The following MOV10L1 variants were observed in gnomAD, a reference collection of about 807,000 sequenced individuals.
MOV10L1 encodes Mov10 like RNA helicase 1.
In MOV10L1, 110 loss-of-function variants were observed where a neutral mutation model predicts 143.8. That is an observed-to-expected ratio of 0.76 (90% CI 0.66 to 0.90). MOV10L1 has a LOEUF of 0.90. Among genes scored for constraint, MOV10L1 ranks in the 40% least tolerant of loss-of-function variants. The pLI, the probability that MOV10L1 is intolerant of heterozygous loss-of-function variation, is 0.00. For missense variants in MOV10L1, 1,406 were observed against 1,526.8 expected (o/e 0.92, Z 1.32); for synonymous variants, 593 against 581.1 (o/e 1.02, Z -0.29).
intron 3 of MOV10L1, among the ~76,000 whole-genome samples, chr22:50,101,112 A>G: frequency 6.6e-6 from 1 of 152,040 alleles, no homozygotes; most frequent in East Asian, 1.9e-4. Context: ...AGATGAATAG[A>G]AGTTTTCTGC....
At chr22:50,127,551 C>T (rs1261778585) in intron 12 of MOV10L1, among the ~76,000 whole-genome samples, 2 of 152,138 alleles carry the variant, frequency 1.3e-5, no homozygotes, top group Non-Finnish European at 1.5e-5. Flanking sequence ...CGTAGCTTCC[C>T]GACTCTCTGC....
intron 2 of MOV10L1, among the ~76,000 whole-genome samples, chr22:50,097,006 G>A (rs2062606417): frequency 6.6e-6 from 1 of 152,080 alleles, no homozygotes; most frequent in African/African-American, 2.4e-5. Flanking sequence ...TTTATTGCAT[G>A]TACTTCTGAT....
chr22:50,120,798 C>A (rs2062318623), intron 10 of MOV10L1, among the ~76,000 whole-genome samples, 182 bp downstream of exon 10: 1 of 152,208 alleles, frequency 6.6e-6, no homozygotes, highest in Admixed American at 6.5e-5. Context: ...ACTCACGCTG[C>A]CAGACCTGCT....
chr22:50,149,669 G>T lies in MOV10L1; in HGVS notation c.2682G>T (p.Pro894=). Residue 894 remains proline, a synonymous_variant, in exon 20 of 27, where the codon CCG becomes CCT. Coordinates refer to ENST00000262794, the MANE Select transcript of MOV10L1 (RefSeq NM_018995.3). ...ACGAGGCTGGGCAGGCAAGTGAGCCGGAATGCCTCATTCCTCTGGGGCTGA... is the reference window on the plus strand; with the variant it reads ...ACGAGGCTGGGCAGGCAAGTGAGCCTGAATGCCTCATTCCTCTGGGGCTGA... ...FVDEAGQASE[P]ECLIPLGLMS... The T allele has an allele frequency of 6.2e-7, 1 of 1,614,078 alleles. No homozygotes were observed. The highest frequency in any genetic ancestry group is 8.5e-7 in the Non-Finnish European group (1 of 1,179,948).
chr22:50,140,882 CT>C (rs769023311), intron 15 of MOV10L1, among the ~76,000 whole-genome samples: 3 of 152,204 alleles, frequency 2.0e-5, no homozygotes, highest in African/African-American at 4.8e-5. Context: ...ACCACTACCC[CT>C]GGCCCCAGAA....
intron 22 of MOV10L1, among the ~76,000 whole-genome samples, chr22:50,153,937 C>T (rs1469574711): frequency 6.6e-6 from 1 of 152,064 alleles, no homozygotes; most frequent in African/African-American, 2.4e-5. Flanking sequence ...CCACGGGCCC[C>T]GGAGGACAGG....
intron 3 of MOV10L1, among the ~76,000 whole-genome samples, chr22:50,100,061 A>C (rs2062699521): frequency 1.3e-5 from 2 of 151,946 alleles, no homozygotes; most frequent in Admixed American, 1.3e-4. Flanking sequence ...GTATGATCTC[A>C]GCTCACTGCA....
intron 26 of MOV10L1, 75 bp from the exon 27 acceptor site, chr22:50,161,293 T>G: frequency 7.9e-7 from 1 of 1,262,770 alleles, no homozygotes; most frequent in Non-Finnish European, 1.1e-6. Flanking sequence ...AAAACCCACA[T>G]TGGGAAAAGA....
At chr22:50,153,732 G>A (rs1253818605) in intron 22 of MOV10L1, among the ~76,000 whole-genome samples, 1 of 152,256 alleles carries the variant, frequency 6.6e-6, no homozygotes. Context: ...CAGAGGGACA[G>A]AGTTAGATGC....
chr22:50,109,181 G>T (rs1031371575), intron 5 of MOV10L1, among the ~76,000 whole-genome samples: 1 of 151,922 alleles, frequency 6.6e-6, no homozygotes, highest in Non-Finnish European at 1.5e-5. Context: ...GATGTGAAAG[G>T]CCCCATATAA....
At chr22:50,133,832 C>T (rs968468592) in intron 13 of MOV10L1, among the ~76,000 whole-genome samples, 175 bp from the exon 14 acceptor site, 1 of 152,164 alleles carries the variant, frequency 6.6e-6, no homozygotes, top group South Asian at 2.1e-4. Flanking sequence ...ACGTGAGCCA[C>T]CGCGCCCGTC....
intron 1 of MOV10L1, chr22:50,090,752 C>G: frequency 2.0e-6 from 1 of 495,120 alleles, no homozygotes. Flanking sequence ...TCTCGGCTCA[C>G]CGCAACCTCC....
At chr22:50,098,289 G>C (rs753262762) in intron 2 of MOV10L1, among the ~76,000 whole-genome samples, 1 of 96,796 alleles carries the variant, frequency 1.0e-5, no homozygotes, top group Non-Finnish European at 2.6e-5. Flanking sequence ...ACTTTGAGTA[G>C]TATTATCATC....
At chr22:50,120,656 C>T (rs1450771555) in intron 10 of MOV10L1, 40 bp downstream of exon 10, 5 of 1,376,472 alleles carry the variant, frequency 3.6e-6, no homozygotes, top group Admixed American at 1.9e-5. Context: ...TTGGCATCTT[C>T]TAATGCTCTT....
intron 19 of MOV10L1, chr22:50,147,244 C>T (rs1252817577): frequency 1.3e-5 from 8 of 621,362 alleles, no homozygotes; most frequent in Admixed American, 2.9e-5. Context: ...CTCTCAGAGG[C>T]GCTCTGTGCA....
intron 15 of MOV10L1, among the ~76,000 whole-genome samples, chr22:50,140,731 T>C (rs896158771): frequency 2.0e-5 from 3 of 150,774 alleles, no homozygotes; most frequent in African/African-American, 7.3e-5. Context: ...ACGTGAAACT[T>C]TTTTTTTTTG....
chr22:50,151,820 A>T (rs1191151124), intron 21 of MOV10L1, among the ~76,000 whole-genome samples: 1 of 152,246 alleles, frequency 6.6e-6, no homozygotes, highest in African/African-American at 2.4e-5. Flanking sequence ...GGGCAGGTGC[A>T]TACAGCACAG....
chr22:50,158,501 A>C lies in MOV10L1; in HGVS notation c.3216+295A>C. On this transcript the variant is annotated intron_variant, in intron 23 of 26. Coordinates refer to ENST00000262794, the MANE Select transcript of MOV10L1 (RefSeq NM_018995.3). This position sits in a 1 kb window ranked among gnomAD's most constrained non-coding sequence, Gnocchi z 5.0. ...TGGCCCTTTGGGAAAACATTTGCCA[A>C]CCCCCAGCTCTAACCCAGTGTTTCT... The C allele has an allele frequency of 2.8e-6, 1 of 356,210 alleles. No homozygotes were observed. Among genetic ancestry groups the C allele is most frequent in the Non-Finnish European group, 5.1e-6 (1 of 195,120 alleles). The allele number at this position is 356,210 out of a possible 1,614,324, so 22.1% of individuals were successfully genotyped here. A position where few individuals can be genotyped will look rare whatever the true frequency, so the allele number is the denominator to read the frequency against.
intron 22 of MOV10L1, among the ~76,000 whole-genome samples, chr22:50,154,732 G>A (rs932772190): frequency 2.0e-5 from 3 of 152,120 alleles, no homozygotes; most frequent in South Asian, 2.1e-4. Context: ...GTTTCTGATC[G>A]TTCTTGTCTT....
Sources: gnomAD v4.1 joint callset for allele counts (sites outside exome capture counted in the v4.1 genomes callset) on GRCh38, gnomAD v4.1.1 for gene constraint, Gnocchi (gnomAD v3.1) non-coding constraint, MANE v1.5 for transcripts, NCBI Gene and HGNC (gene_info 2026-07-23, HGNC 2026-07-21) for gene names.